Variants in GGH observed in about 807,000 individuals in gnomAD.
GGH encodes the protein gamma-Glu-X carboxypeptidase.
A neutral mutation model predicts 39.2 loss-of-function variants in GGH; 18 were observed. The observed-to-expected ratio is 0.46, with a 90% CI of 0.32 to 0.68. The LOEUF (loss-of-function observed/expected upper bound fraction) is 0.68, where lower values mean the gene tolerates loss of function less well. Ranked by LOEUF, GGH falls within the 30% of genes least tolerant of loss-of-function variation. The probability of loss-of-function intolerance (pLI) is 0.04; values close to 1 mark genes in which losing one functional copy is unlikely to be tolerated. For synonymous variants in GGH, 147 were observed against 138.8 expected (o/e 1.06, Z -0.42); for missense variants, 367 against 384.1 (o/e 0.96, Z 0.37).
chr8:63,026,286 T>G lies in GGH; in HGVS notation c.371A>C (p.Asp124Ala). 1.3e-6 allele frequency: 2 copies of G among 1,595,388 alleles called. No individual in the cohort carries two copies. Among genetic ancestry groups the G allele is most frequent in the Non-Finnish European group, 1.7e-6 (2 of 1,173,754 alleles). Reference protein sequence around the residue: ...FYNLSIQSFDDGDYFPVWGTC... With the variant: ...FYNLSIQSFDAGDYFPVWGTC... ...GCCCCACACAGGAAAATAGTCTCCA[T>G]CATCAAAACTCTTTGCAAGTGGAAA... The change falls in exon 5 of 9, where the codon GAT becomes GCT. Residue 124 changes from aspartate (D) to alanine (A), a missense_variant. Transcript: ENST00000260118.
At chr8:63,034,742 C>T (rs1804870710) in intron 2 of GGH, among the ~76,000 whole-genome samples, 1 of 152,148 alleles carries the variant, frequency 6.6e-6, no homozygotes, top group South Asian at 2.1e-4. Context: ...AACCCTAATG[C>T]ACTGGTAATT....
At chr8:63,017,663 G>A (rs1804510685) in intron 7 of GGH, 33 bp from the exon 8 acceptor site, 2 of 1,373,488 alleles carry the variant, frequency 1.5e-6, no homozygotes, top group East Asian at 4.8e-5. Context: ...TAAGTACTAA[G>A]AATGGTTTAA....
intron 8 of GGH, among the ~76,000 whole-genome samples, chr8:63,016,158 C>G (rs1481167520): frequency 6.6e-6 from 1 of 152,144 alleles, no homozygotes; most frequent in Non-Finnish European, 1.5e-5. Flanking sequence ...TAAATACAGG[C>G]TCTTACGGCA....
chr8:63,035,820 T>C, intron 1 of GGH, 50 bp from the exon 2 acceptor site: 1 of 1,470,968 alleles, frequency 6.8e-7, no homozygotes, highest in Non-Finnish European at 9.4e-7. Context: ...TTCTTCTTGC[T>C]CAGAAACTGA....
rs1200796249 is a variant in GGH at position 63,015,260 on chromosome 8, T to C, written c.*72A>G. The C allele has an allele frequency of 1.3e-6, 1 of 764,190 alleles. No individual in the cohort carries two copies. The highest frequency in any genetic ancestry group is 2.7e-5 in the Admixed American group (1 of 37,018). The allele number at this position is 764,190 out of a possible 1,614,324, so 47.3% of individuals were successfully genotyped here. A position where few individuals can be genotyped will look rare whatever the true frequency, so the allele number is the denominator to read the frequency against. ...AATCTGTGACTTCCTAATCTTGCCA[T>C]GAGTAGCAAGTTATTCTAACAGTTT... On this transcript the variant is annotated 3_prime_UTR_variant, in exon 9 of 9. Coordinates refer to ENST00000260118, the MANE Select transcript of GGH (RefSeq NM_003878.3).
chr8:63,026,996 C>T (rs1335732663), intron 4 of GGH, 185 bp downstream of exon 4: 1 of 599,942 alleles, frequency 1.7e-6, no homozygotes, highest in African/African-American at 1.9e-5. Flanking sequence ...CTCTGGAAGC[C>T]CAGGATTAGA....
chr8:63,037,363 G>C (rs1804931592), intron 1 of GGH, among the ~76,000 whole-genome samples: 1 of 152,006 alleles, frequency 6.6e-6, no homozygotes, highest in African/African-American at 2.4e-5. Flanking sequence ...GGAGCACAAG[G>C]GTACCAGAAA....
At chr8:63,015,883 C>A (rs1229698432) in intron 8 of GGH, among the ~76,000 whole-genome samples, 4 of 152,164 alleles carry the variant, frequency 2.6e-5, no homozygotes, top group South Asian at 4.1e-4. Context: ...ATAAACAGAA[C>A]AGGTCCTAAC....
chr8:63,037,504 C>T (rs957707936), intron 1 of GGH, among the ~76,000 whole-genome samples: 2 of 152,196 alleles, frequency 1.3e-5, no homozygotes, highest in Non-Finnish European at 1.5e-5. Context: ...CAAAATTCCA[C>T]CAATAATTTA....
At chr8:63,029,684 A>T (rs1804766732) in intron 3 of GGH, among the ~76,000 whole-genome samples, 1 of 152,136 alleles carries the variant, frequency 6.6e-6, no homozygotes, top group East Asian at 1.9e-4. Context: ...ATAGAGTATA[A>T]GCAAATTTTC....
chr8:63,026,927 G>A (rs1804696229), intron 4 of GGH: 2 of 467,208 alleles, frequency 4.3e-6, no homozygotes, highest in Non-Finnish European at 7.5e-6. Flanking sequence ...CACTACATGA[G>A]GACACGGTTC....
chr8:63,030,185 A>G lies in GGH; in HGVS notation c.257T>C (p.Leu86Pro). 7.0e-7 allele frequency: 1 copy of G among 1,433,082 alleles called. No individual in the cohort carries two copies. The highest frequency in any genetic ancestry group is 1.1e-5 in the South Asian group (1 of 87,176). The allele number at this position is 1,433,082 out of a possible 1,614,324, so 88.8% of individuals were successfully genotyped here. ...AACTTACCCATTAATAGATTTGAAAAGTATTTCATAGTCTTTCTCTGTAAG... is the reference window on the plus strand; with the variant it reads ...AACTTACCCATTAATAGATTTGAAAGGTATTTCATAGTCTTTCTCTGTAAG... ...LDLTEKDYEILFKSINGILFP... is the reference protein window; with the variant it reads ...LDLTEKDYEIPFKSINGILFP... The change falls in exon 3 of 9, where the codon CTT becomes CCT. Residue 86 changes from leucine to proline, a missense_variant. By Grantham distance (98) the Leu-to-Pro change is moderately conservative. Coordinates refer to ENST00000260118, the MANE Select transcript of GGH (RefSeq NM_003878.3).
intron 3 of GGH, chr8:63,028,163 GT>G (rs1211079746): frequency 6.6e-6 from 1 of 152,022 alleles, no homozygotes; most frequent in African/African-American, 2.4e-5. Flanking sequence ...ACAAACATGA[GT>G]GGCTTTTGCT....
At position 63,015,463 on chromosome 8, in the gene GGH, A is replaced by C. The variant is rs746400461; in HGVS notation, c.836-10T>G. 8.6e-6 allele frequency: 13 copies of C among 1,514,850 alleles called. No individual in the cohort carries two copies. Among genetic ancestry groups the C allele is most frequent in the African/African-American group, 1.4e-5 (1 of 71,766 alleles). The allele number at this position is 1,514,850 out of a possible 1,614,324, so 93.8% of individuals were successfully genotyped here. ...TGGTTGTTTTTCCGAGCTGCAAGAA[A>C]AAAAGTTAATTTTTAAAAAGATCAG... On this transcript the variant is annotated splice_polypyrimidine_tract_variant and intron_variant, in intron 8 of 8. Coordinates refer to ENST00000260118, the MANE Select transcript of GGH (RefSeq NM_003878.3).
At chr8:63,025,465 G>A (rs543081909) in intron 5 of GGH, among the ~76,000 whole-genome samples, 12 of 152,186 alleles carry the variant, frequency 7.9e-5, no homozygotes, top group African/African-American at 2.6e-4. Flanking sequence ...AGCGCTTCCC[G>A]GTAGATCATC....
At chr8:63,017,226 A>C (rs1804502097) in intron 8 of GGH, 1 of 333,544 alleles carries the variant, frequency 3.0e-6, no homozygotes, top group Non-Finnish European at 5.4e-6. Context: ...CCAAAAAAAA[A>C]ACTCTCAACA....
rs1804642950 is a variant in GGH at position 63,024,089 on chromosome 8, G to A, written c.597C>T (p.Leu199=). Reference sequence around the variant, plus strand: ...GTAATTAGTGTGATACCTTCACGGAGAGGCTCCACTTATGGAAATTGGCAG... The same window carrying A: ...GTAATTAGTGTGATACCTTCACGGAAAGGCTCCACTTATGGAAATTGGCAG... ...PLTANFHKWS[L]SVKNFTMNEK... is the part of the protein sequence containing the mutation. Residue 199 remains leucine (L), a synonymous_variant, in exon 6 of 9, where the codon CTC becomes CTT. Transcript: ENST00000260118. The A allele has an allele frequency of 6.3e-7, 1 of 1,594,722 alleles. No homozygotes were observed. The highest frequency in any genetic ancestry group is 1.3e-5 in the African/African-American group (1 of 74,558).
chr8:63,017,720 T>C, intron 7 of GGH, 90 bp from the exon 8 acceptor site: 2 of 724,156 alleles, frequency 2.8e-6, no homozygotes, highest in Non-Finnish European at 4.5e-6. Flanking sequence ...TAAAACATTT[T>C]ATAATTCACC....
chr8:63,017,770 CA>C, intron 7 of GGH, 140 bp from the exon 8 acceptor site: 2 of 544,758 alleles, frequency 3.7e-6, no homozygotes, highest in East Asian at 6.4e-5. Flanking sequence ...CTCTCAGACA[CA>C]AAATAATTTC....
Sources: gnomAD v4.1 joint callset for allele counts (sites outside exome capture counted in the v4.1 genomes callset) on GRCh38, gnomAD v4.1.1 for gene constraint, MANE v1.5 for transcripts, NCBI Gene and HGNC (gene_info 2026-07-23, HGNC 2026-07-21) for gene names.